Variants in SEC14L5 observed in about 807,000 individuals in gnomAD.
The protein encoded by SEC14L5 is SEC14 like lipid binding 5, also known as SEC14-like protein 5.
Under a neutral mutation model 84.6 loss-of-function variants are expected in SEC14L5, and 96 were observed. The observed-to-expected ratio is 1.13, with a 90% CI of 0.96 to 1.34. The LOEUF (loss-of-function observed/expected upper bound fraction) is 1.34. Among genes scored for constraint, SEC14L5 ranks in the 40% most tolerant of loss-of-function variants. The pLI is 0.00. For synonymous variants in SEC14L5, 546 were observed against 383.4 expected, an observed-to-expected ratio of 1.42 and a Z score of -4.95; for missense variants, 1,224 against 942.5, an observed-to-expected ratio of 1.30 and a Z score of -3.91.
rs959504027 is a variant in SEC14L5 at position 4,988,241 on chromosome 16, C to T, written c.306C>T (p.Phe102=). The change falls in exon 4 of 16, where the codon TTC becomes TTT. Residue 102 remains phenylalanine (F), a synonymous_variant. Coordinates refer to ENST00000251170, the MANE Select transcript of SEC14L5 (RefSeq NM_014692.2). The stretch of plus-strand genomic sequence containing the variant: ...TCATCGAAGCGCACAATGAGACCTT[C>T]GCCAACCGCGTGGTGGTGAACGAGC... ...TLLIEAHNET[F]ANRVVVNEHC... 3.7e-6 allele frequency: 6 copies of T among 1,613,714 alleles called. No homozygotes were observed. The highest frequency in any genetic ancestry group is 5.1e-6 in the Non-Finnish European group (6 of 1,179,722).
At chr16:5,007,066 C>T (rs541833805) in intron 12 of SEC14L5, among the ~76,000 whole-genome samples, 14 of 152,254 alleles carry the variant, frequency 9.2e-5, no homozygotes, top group African/African-American at 3.1e-4. Flanking sequence ...GGGGCTGTGA[C>T]GAACGTGGGT....
chr16:4,960,820 C>G (rs1955112129), intron 2 of SEC14L5: 1 of 152,254 alleles, frequency 6.6e-6, no homozygotes, highest in Admixed American at 6.5e-5. Flanking sequence ...TGAGATCCAG[C>G]TATGATCGTT....
intron 2 of SEC14L5, among the ~76,000 whole-genome samples, chr16:4,974,535 G>T (rs953154068): frequency 2.0e-5 from 3 of 152,006 alleles, no homozygotes; most frequent in South Asian, 4.2e-4. Flanking sequence ...TGGGCTATAT[G>T]ATATGATAAT....
At chr16:4,989,088 G>A (rs1955525398) in intron 4 of SEC14L5, among the ~76,000 whole-genome samples, 1 of 152,228 alleles carries the variant, frequency 6.6e-6, no homozygotes. Context: ...GCCAAGGTGA[G>A]GCCATGGGGC....
intron 2 of SEC14L5, among the ~76,000 whole-genome samples, chr16:4,962,664 G>C (rs1412363575): frequency 6.7e-6 from 1 of 149,078 alleles, no homozygotes; most frequent in Non-Finnish European, 1.5e-5. Flanking sequence ...CTCCAGCCTG[G>C]GGGAAGAGTG....
intron 10 of SEC14L5, 30 bp downstream of exon 10, chr16:5,000,955 C>G (rs760606854): frequency 6.4e-6 from 10 of 1,560,672 alleles, no homozygotes; most frequent in Admixed American, 1.8e-5. Flanking sequence ...ACAAATCCCC[C>G]CTAAACAGCA....
intron 2 of SEC14L5, 23 bp downstream of exon 2, chr16:4,959,409 G>T: frequency 1.2e-6 from 2 of 1,608,942 alleles, no homozygotes; most frequent in Non-Finnish European, 1.7e-6. Flanking sequence ...TGATTCTTGG[G>T]CCCCCATGTG....
At position 5,005,815 on chromosome 16, in the gene SEC14L5, G is replaced by C. The variant is rs1310213387; in HGVS notation, c.1303-99G>C. On this transcript the variant is annotated intron_variant, in intron 11 of 15. Transcript: ENST00000251170. ...GGAGGTGGAGCTTGCAGTGAGCCAA[G>C]ATCATGCCACTGCACTCCAGCCTGG... 4.1e-6 allele frequency: 5 copies of C among 1,205,980 alleles called. No individual in the cohort carries two copies. The African/African-American group carries it at 5.1e-5, about 12-fold the overall frequency. The allele number at this position is 1,205,980 out of a possible 1,614,324, so 74.7% of individuals were successfully genotyped here.
rs556379573 is a variant in SEC14L5 at position 4,964,994 on chromosome 16, G to A, written c.63+5608G>A. 5.3e-5 allele frequency among the ~76,000 whole-genome samples: 8 copies of A among 151,732 alleles called. No homozygotes were observed. The East Asian group carries it at 1.4e-3, about 26-fold the overall frequency. On this transcript the variant is annotated intron_variant, in intron 2 of 15. Coordinates refer to ENST00000251170, the MANE Select transcript of SEC14L5 (RefSeq NM_014692.2). Reference sequence around the variant, plus strand: ...GATCTGCCCACTTTGGACTCCCAAAGTGCTAGGATTACAGGTGTGAGCCAC... The same window carrying A: ...GATCTGCCCACTTTGGACTCCCAAAATGCTAGGATTACAGGTGTGAGCCAC...
chr16:4,990,933 C>A, intron 5 of SEC14L5, 38 bp downstream of exon 5: 1 of 1,508,410 alleles, frequency 6.6e-7, no homozygotes. Context: ...GAGGAAGGTG[C>A]ACACACCTGC....
At chr16:4,977,958 G>A (rs912409709) in intron 2 of SEC14L5, among the ~76,000 whole-genome samples, 2 of 149,668 alleles carry the variant, frequency 1.3e-5, no homozygotes, top group East Asian at 2.0e-4. Context: ...GCACCACCAC[G>A]CCTGGCTAAT....
intron 13 of SEC14L5, among the ~76,000 whole-genome samples, chr16:5,008,000 C>G (rs971978080): frequency 6.6e-6 from 1 of 151,448 alleles, no homozygotes; most frequent in Non-Finnish European, 1.5e-5. Flanking sequence ...TTCTGCCTCC[C>G]AGGTTCAAGT....
At chr16:5,003,991 T>A (rs1365983891) in intron 11 of SEC14L5, among the ~76,000 whole-genome samples, 1 of 152,156 alleles carries the variant, frequency 6.6e-6, no homozygotes, top group Non-Finnish European at 1.5e-5. Context: ...CGCGCACACA[T>A]ACACCCACGC....
At chr16:5,006,600 C>T (rs1270617409) in intron 12 of SEC14L5, among the ~76,000 whole-genome samples, 2 of 152,156 alleles carry the variant, frequency 1.3e-5, no homozygotes, top group African/African-American at 4.8e-5. Flanking sequence ...TCATATGGCC[C>T]CCAGTGGCCC....
intron 2 of SEC14L5, among the ~76,000 whole-genome samples, chr16:4,976,673 T>G (rs1955344757): frequency 6.6e-6 from 1 of 152,212 alleles, no homozygotes; most frequent in African/African-American, 2.4e-5. Context: ...GAGGCAGCCC[T>G]GCTTGGTCCC....
rs182555960 is a variant in SEC14L5 at position 4,983,918 on chromosome 16, A to T, written c.64-3639A>T. 4.0e-5 allele frequency among the ~76,000 whole-genome samples: 6 copies of T among 148,152 alleles called. No individual in the cohort carries two copies. The East Asian group carries it at 6.0e-4, about 15-fold the overall frequency. ...TAAATAAATAAATAAATAAATAAAT[A>T]GTATATGTATACATGTGGATTCATA... On this transcript the variant is annotated intron_variant, in intron 2 of 15. Coordinates refer to ENST00000251170, the MANE Select transcript of SEC14L5 (RefSeq NM_014692.2).
chr16:4,977,590 A>C (rs1401798762), intron 2 of SEC14L5, among the ~76,000 whole-genome samples: 1 of 151,936 alleles, frequency 6.6e-6, no homozygotes, highest in African/African-American at 2.4e-5. Flanking sequence ...TGATGAGCTC[A>C]TGTATATGTA....
chr16:5,011,727 C>T (rs1369140769), intron 15 of SEC14L5, among the ~76,000 whole-genome samples: 2 of 152,268 alleles, frequency 1.3e-5, no homozygotes, highest in East Asian at 1.9e-4. Context: ...TGTGTGACCT[C>T]GGGCAAATCA....
At chr16:4,991,162 C>CTTTTTT (rs35980290) in intron 5 of SEC14L5, among the ~76,000 whole-genome samples, 1 of 85,506 alleles carries the variant, frequency 1.2e-5, no homozygotes, top group Non-Finnish European at 2.3e-5. Context: ...TTCTGTGGTG[C>CTTTTTT]TTTTTTTTTT....
Sources: allele counts gnomAD v4.1 joint callset (sites outside exome capture counted in the v4.1 genomes callset), GRCh38; gene constraint gnomAD v4.1.1; transcripts MANE v1.5; gene names NCBI Gene and HGNC (gene_info 2026-07-23, HGNC 2026-07-21).